Variants in GDA observed in about 807,000 individuals in gnomAD.
GDA encodes cytoplasmic PSD-95 interactor.
A neutral mutation model predicts 59.6 loss-of-function variants in GDA; 18 were observed. That is an observed-to-expected ratio of 0.30 (90% CI 0.21 to 0.45). The LOEUF (loss-of-function observed/expected upper bound fraction) is 0.45, where lower values mean the gene tolerates loss of function less well. Ranked by LOEUF, GDA falls within the 20% of genes least tolerant of loss-of-function variation. The probability of loss-of-function intolerance (pLI) is 1.00; values close to 1 mark genes in which losing one functional copy is unlikely to be tolerated. For missense variants in GDA, 427 were observed against 552.3 expected, an observed-to-expected ratio of 0.77 and a Z score of 2.27; for synonymous variants, 201 against 201.1, an observed-to-expected ratio of 1.00 and a Z score of 0.00.
intron 1 of GDA, among the ~76,000 whole-genome samples, chr9:72,177,626 AACT>A (rs1236871272): frequency 1.3e-5 from 2 of 151,944 alleles, no homozygotes; most frequent in African/African-American, 2.4e-5. Flanking sequence ...AGTGCTTGCC[AACT>A]CCTTCTTCTT....
chr9:72,145,108 T>C (rs1323875951), upstream of GDA, among the ~76,000 whole-genome samples: 2 of 152,130 alleles, frequency 1.3e-5, no homozygotes, highest in African/African-American at 4.8e-5. Flanking sequence ...CATGAAAACC[T>C]GAGTTATTTT....
At chr9:72,234,090 G>A (rs528959816) in intron 10 of GDA, among the ~76,000 whole-genome samples, 1 of 152,240 alleles carries the variant, frequency 6.6e-6, no homozygotes, top group South Asian at 2.1e-4. Flanking sequence ...ATATTATTTA[G>A]CAGTAAAAAA....
chr9:72,153,347 T>C (rs1587367061), intron 1 of GDA, among the ~76,000 whole-genome samples: 1 of 152,132 alleles, frequency 6.6e-6, no homozygotes, highest in African/African-American at 2.4e-5. Context: ...GGTAGCTTGA[T>C]GGGGAGAAAT....
At chr9:72,156,371 C>T (rs1379350584) in intron 1 of GDA, among the ~76,000 whole-genome samples, 2 of 152,200 alleles carry the variant, frequency 1.3e-5, no homozygotes, top group African/African-American at 4.8e-5. Flanking sequence ...TTCTCTCAGT[C>T]TAAATCACAA....
chr9:72,245,198 G>C lies in GDA; in HGVS notation c.1186G>C (p.Asp396His), dbSNP rs1349966178. 1 of 1,612,932 alleles carries C rather than the reference G, an allele frequency of 6.2e-7. No homozygotes were observed. Among genetic ancestry groups the C allele is most frequent in the Non-Finnish European group, 8.5e-7 (1 of 1,178,922 alleles). The change falls in exon 12 of 14, where the codon GAT becomes CAT. Residue 396 changes from aspartate (D) to histidine (H), a missense_variant. Asp to His is a moderately conservative substitution (Grantham distance 81). Transcript: ENST00000358399. ...IGNFEVGKEFDAILINPKASD... is the reference protein window; with the variant it reads ...IGNFEVGKEFHAILINPKASD... ...AAACTTTGAAGTGGGCAAGGAATTT[G>C]ATGCCATCCTGATCAACCCCAAAGC...
Position 72,245,169 on chromosome 9 carries a change from T to G in GDA, c.1157T>G (p.Ile386Ser). The change falls in exon 12 of 14, where the codon ATT becomes AGT. Residue 386 changes from isoleucine to serine, a missense_variant. Physicochemically the swap from Ile to Ser is moderately radical, Grantham distance 142. Coordinates refer to ENST00000358399, the MANE Select transcript of GDA (RefSeq NM_004293.5). Reference sequence around the variant, plus strand: ...ATAGCCCTGGGGCTGGATGGTGAGATTGGAAACTTTGAAGTGGGCAAGGAA... The same window carrying G: ...ATAGCCCTGGGGCTGGATGGTGAGAGTGGAAACTTTGAAGTGGGCAAGGAA... ...GSQALGLDGE[I>S]GNFEVGKEFD... is the part of the protein sequence containing the mutation. 6.2e-7 allele frequency: 1 copy of G among 1,613,872 alleles called. No individual in the cohort carries two copies. Among genetic ancestry groups the G allele is most frequent in the Non-Finnish European group, 8.5e-7 (1 of 1,179,766 alleles).
At chr9:72,121,206 A>C (rs529629926) in intron 1 of GDA, among the ~76,000 whole-genome samples, 2 of 152,188 alleles carry the variant, frequency 1.3e-5, no homozygotes, top group Non-Finnish European at 2.9e-5. Context: ...CATTATGCAC[A>C]TGAGGGAAAT....
intron 2 of GDA, chr9:72,197,626 C>A (rs1274923542): frequency 2.0e-5 from 3 of 151,974 alleles, no homozygotes; most frequent in African/African-American, 7.3e-5. Context: ...ATCAGAAATG[C>A]AGATTCTGGG....
chr9:72,159,369 G>A (rs1164921783), intron 1 of GDA, among the ~76,000 whole-genome samples: 1 of 152,042 alleles, frequency 6.6e-6, no homozygotes, highest in African/African-American at 2.4e-5. Flanking sequence ...ACTCCAGCCT[G>A]GGTGACAGAG....
intron 1 of GDA, among the ~76,000 whole-genome samples, chr9:72,179,668 A>T (rs1222826434): frequency 6.6e-6 from 1 of 152,184 alleles, no homozygotes; most frequent in Non-Finnish European, 1.5e-5. Flanking sequence ...ATGAAGTACC[A>T]CAAACAGGGA....
intron 2 of GDA, among the ~76,000 whole-genome samples, chr9:72,197,245 T>C (rs1361240253): frequency 6.6e-6 from 1 of 152,182 alleles, no homozygotes; most frequent in Non-Finnish European, 1.5e-5. Context: ...TTTATAATGT[T>C]TCACTCCACC....
intron 1 of GDA, among the ~76,000 whole-genome samples, chr9:72,182,320 A>G (rs920143263): frequency 1.3e-5 from 2 of 152,268 alleles, no homozygotes; most frequent in African/African-American, 4.8e-5. Context: ...GTTGCCTTTC[A>G]TCTGTAATGG....
At chr9:72,183,577 G>A (rs879517285) in intron 1 of GDA, among the ~76,000 whole-genome samples, 7 of 152,152 alleles carry the variant, frequency 4.6e-5, no homozygotes, top group Admixed American at 1.3e-4. Context: ...TCTAATGGCC[G>A]TTAGCCTGTA....
chr9:72,219,559 G>C, intron 6 of GDA, 53 bp downstream of exon 6: 1 of 1,372,180 alleles, frequency 7.3e-7, no homozygotes, highest in Non-Finnish European at 1.0e-6. Context: ...ATTAGCTGTA[G>C]GATTCATAAA....
At chr9:72,201,140 T>TATGA (rs1294787868) in intron 2 of GDA, among the ~76,000 whole-genome samples, 1 of 152,062 alleles carries the variant, frequency 6.6e-6, no homozygotes, top group Non-Finnish European at 1.5e-5. Context: ...ATGACAGCCC[T>TATGA]ATGATGCTAC....
intron 1 of GDA, among the ~76,000 whole-genome samples, chr9:72,115,068 G>A (rs12347834): frequency 6.6e-6 from 1 of 152,128 alleles, no homozygotes; most frequent in Non-Finnish European, 1.5e-5. Flanking sequence ...ACCGGGAGGA[G>A]CAGGGGATAA....
chr9:72,158,015 A>T (rs1244652517), intron 1 of GDA, among the ~76,000 whole-genome samples: 1 of 152,080 alleles, frequency 6.6e-6, no homozygotes, highest in South Asian at 2.1e-4. Flanking sequence ...TTATATCCCC[A>T]TTTCCATTTT....
At chr9:72,246,053 A>G (rs950351838) in intron 12 of GDA, among the ~76,000 whole-genome samples, 4 of 152,250 alleles carry the variant, frequency 2.6e-5, no homozygotes, top group African/African-American at 9.6e-5. Flanking sequence ...ATTATAAAAG[A>G]GGAAAAATAT....
chr9:72,179,977 G>A (rs549525592), intron 1 of GDA, among the ~76,000 whole-genome samples: 290 of 98,236 alleles, frequency 3.0e-3, no homozygotes, highest in African/African-American at 0.015. Context: ...AATTACTGGC[G>A]GGGGGGGTTA....
Sources: gnomAD v4.1 joint callset for allele counts (sites outside exome capture counted in the v4.1 genomes callset) on GRCh38, gnomAD v4.1.1 for gene constraint, MANE v1.5 for transcripts, NCBI Gene and HGNC (gene_info 2026-07-23, HGNC 2026-07-21) for gene names.